Variants in TRIO observed in about 807,000 individuals in gnomAD.
The protein encoded by TRIO is trio Rho guanine nucleotide exchange factor.
A neutral mutation model predicts 351.9 loss-of-function variants in TRIO; 58 were observed. The ratio of observed to expected loss-of-function variants is 0.16; its 90% CI spans 0.13 to 0.21. TRIO has a LOEUF of 0.21. Among genes scored for constraint, TRIO ranks in the 10% least tolerant of loss-of-function variants. TRIO has a pLI of 1.00. For synonymous variants in TRIO, 1,758 were observed against 1,595.7 expected (o/e 1.10, Z -2.42); for missense variants, 3,201 against 4,027.8 (o/e 0.79, Z 5.56).
intron 34 of TRIO, among the ~76,000 whole-genome samples, chr5:14,424,337 C>A (rs1380727335): frequency 2.0e-5 from 3 of 152,114 alleles, no homozygotes; most frequent in African/African-American, 7.2e-5. Flanking sequence ...GAAGAAAACA[C>A]CCACTTATAA....
intron 14 of TRIO, among the ~76,000 whole-genome samples, chr5:14,364,157 TTAATTC>T (rs1561395244): frequency 6.6e-6 from 1 of 152,220 alleles, no homozygotes; most frequent in East Asian, 1.9e-4. Context: ...ATCATGAACT[TTAATTC>T]TACACAATGA....
intron 34 of TRIO, among the ~76,000 whole-genome samples, chr5:14,444,796 G>A (rs1752316684): frequency 6.6e-6 from 1 of 152,128 alleles, no homozygotes; most frequent in African/African-American, 2.4e-5. Context: ...GAAGTTATTT[G>A]GTATTATAGC....
At chr5:14,414,164 C>G (rs1329832082) in intron 33 of TRIO, among the ~76,000 whole-genome samples, 2 of 152,200 alleles carry the variant, frequency 1.3e-5, no homozygotes, top group East Asian at 3.8e-4. Context: ...GCCTCTTCCC[C>G]GCCCTCGTTC....
intron 39 of TRIO, among the ~76,000 whole-genome samples, chr5:14,473,703 A>G (rs1754844173): frequency 2.6e-5 from 4 of 152,392 alleles, no homozygotes; most frequent in African/African-American, 9.6e-5. Flanking sequence ...AAACTGTTTA[A>G]TGAAACCATT....
chr5:14,289,183 C>T (rs964986018), intron 4 of TRIO, among the ~76,000 whole-genome samples: 20 of 151,714 alleles, frequency 1.3e-4, no homozygotes, highest in Non-Finnish European at 1.9e-4. Context: ...GTCAGGAGTT[C>T]GAGACAACCT....
chr5:14,500,326 A>G (rs1052658115), intron 53 of TRIO, among the ~76,000 whole-genome samples: 3 of 152,134 alleles, frequency 2.0e-5, no homozygotes, highest in Non-Finnish European at 4.4e-5. Flanking sequence ...TGCACCCACA[A>G]GCTGTCTGGG....
chr5:14,239,020 T>C (rs1258098651), intron 1 of TRIO, among the ~76,000 whole-genome samples: 1 of 152,356 alleles, frequency 6.6e-6, no homozygotes, highest in Non-Finnish European at 1.5e-5. Context: ...GTTGGACTTA[T>C]TTTTCCATAC....
chr5:14,492,452 G>C, intron 48 of TRIO, 115 bp from the exon 49 acceptor site: 1 of 1,427,212 alleles, frequency 7.0e-7, no homozygotes, highest in Non-Finnish European at 9.5e-7. Context: ...TGCTTGCCTG[G>C]TGAGCCCTGC....
At chr5:14,206,506 C>G (rs1310263594) in intron 1 of TRIO, among the ~76,000 whole-genome samples, 1 of 152,214 alleles carries the variant, frequency 6.6e-6, no homozygotes, top group South Asian at 2.1e-4. Flanking sequence ...TTCTTATCCT[C>G]GAAAGTTTAA....
At chr5:14,190,017 C>T (rs26132) in intron 1 of TRIO, among the ~76,000 whole-genome samples, 10,173 of 152,058 alleles carry the variant, frequency 0.067, 408 homozygotes, top group Non-Finnish European at 0.08. Flanking sequence ...CTACCATGCC[C>T]GGCATATCTT....
Position 14,496,903 on chromosome 5 carries a change from A to G in TRIO, c.7905A>G (p.Ala2635=), listed in dbSNP as rs751856930. The change falls in exon 50 of 57, where the codon GCA becomes GCG. Residue 2635 remains alanine (A), a synonymous_variant. Coordinates refer to ENST00000344204, the MANE Select transcript of TRIO (RefSeq NM_007118.4). The part of the protein sequence containing the change: ...TLKKSTSWHT[A]LRLRKKSEKK... ...GGAAGTCAACATCTTGGCACACAGC[A>G]CTCCGTTTAAGGAAAAAATCTGAGA... The G allele has an allele frequency of 9.9e-6, 16 of 1,613,998 alleles. No homozygotes were observed. The highest frequency in any genetic ancestry group is 2.2e-5 in the East Asian group (1 of 44,878).
chr5:14,304,681 GC>G, intron 8 of TRIO, 89 bp downstream of exon 8: 1 of 1,448,742 alleles, frequency 6.9e-7, no homozygotes, highest in Non-Finnish European at 9.3e-7. Context: ...GTTTTGGGTA[GC>G]CCAGAAAAAG....
chr5:14,488,812 C>T lies in TRIO; in HGVS notation c.7632+552C>T, dbSNP rs762206739. The T allele has an allele frequency of 2.0e-5, 13 of 635,882 alleles. No individual in the cohort carries two copies. The Middle Eastern group carries it at 1.2e-3, about 57-fold the overall frequency. 39.4% of individuals were successfully genotyped at this position (635,882 alleles called of 1,614,324 possible). A position where few individuals can be genotyped will look rare whatever the true frequency, so the allele number is the denominator to read the frequency against. ...GGGGAAAGAATCTGTCCACTGGGAA[C>T]GCTTTACGTCACCGTGTTGCTCTGG... is the stretch of plus-strand genomic sequence containing the variant. On this transcript the variant is annotated intron_variant, in intron 48 of 56. Transcript: ENST00000344204.
At chr5:14,398,100 T>A (rs984246240) in intron 29 of TRIO, among the ~76,000 whole-genome samples, 2 of 152,156 alleles carry the variant, frequency 1.3e-5, no homozygotes, top group Non-Finnish European at 2.9e-5. Flanking sequence ...TTTTAACTGT[T>A]CCTGGGGCTG....
At chr5:14,481,378 G>T (rs746856064) in intron 44 of TRIO, 94 bp downstream of exon 44, 9 of 1,544,598 alleles carry the variant, frequency 5.8e-6, no homozygotes, top group Non-Finnish European at 8.0e-6. Flanking sequence ...CCCTGGGAGG[G>T]GGTCAAAGCA....
In TRIO at chr5:14,476,791, C is replaced by CAA. The variant is rs532716092; in HGVS notation, c.6084-92_6084-91dup. ...CCTAGGTGATAGAGTGACACTCTCTCAAAAAAAAAAAAGAAAAAAAGAAAA... is the reference window on the plus strand; with the variant it reads ...CCTAGGTGATAGAGTGACACTCTCTCAAAAAAAAAAAAAAGAAAAAAAGAAAA... On this transcript the variant is annotated intron_variant, in intron 40 of 56. Transcript: ENST00000344204. 2.0e-3 allele frequency: 1,659 copies of CAA among 832,458 alleles called. 2 individuals carry two copies. Among genetic ancestry groups the CAA allele is most frequent in the South Asian group, 2.8e-3 (144 of 51,624 alleles). The allele number at this position is 832,458 out of a possible 1,614,324, so 51.6% of individuals were successfully genotyped here.
At chr5:14,231,349 G>A (rs1158980546) in intron 1 of TRIO, among the ~76,000 whole-genome samples, 1 of 152,168 alleles carries the variant, frequency 6.6e-6, no homozygotes, top group Non-Finnish European at 1.5e-5. Context: ...AGCAGTTTTG[G>A]CTTTTTCAAC....
chr5:14,306,243 A>G (rs1209392248), intron 8 of TRIO, among the ~76,000 whole-genome samples: 2 of 152,354 alleles, frequency 1.3e-5, no homozygotes, highest in East Asian at 1.9e-4. Flanking sequence ...CGTGTTGGCT[A>G]TGGAATTAAG....
intron 34 of TRIO, among the ~76,000 whole-genome samples, chr5:14,455,097 A>G (rs970404548): frequency 6.6e-6 from 1 of 152,210 alleles, no homozygotes; most frequent in African/African-American, 2.4e-5. Context: ...TCATAAAGGC[A>G]GTGCGGACCC....
Sources: gnomAD v4.1 joint callset for allele counts (sites outside exome capture counted in the v4.1 genomes callset) on GRCh38, gnomAD v4.1.1 for gene constraint, MANE v1.5 for transcripts, NCBI Gene and HGNC (gene_info 2026-07-23, HGNC 2026-07-21) for gene names.